Variants in RPS6KA2 observed in about 807,000 individuals in gnomAD.
RPS6KA2 encodes ribosomal protein S6 kinase alpha-2.
A neutral mutation model predicts 91.8 loss-of-function variants in RPS6KA2; 42 were observed. The observed-to-expected ratio is 0.46, with a 90% CI of 0.36 to 0.59. The LOEUF is 0.59. Ranked by LOEUF, RPS6KA2 falls within the 20% of genes least tolerant of loss-of-function variation. The probability of loss-of-function intolerance (pLI) is 0.00; values close to 1 mark genes in which losing one functional copy is unlikely to be tolerated. For synonymous variants in RPS6KA2, 414 were observed against 393.6 expected (o/e 1.05, Z -0.61); for missense variants, 798 against 978.5 (o/e 0.82, Z 2.46).
chr6:166,844,951 G>A (rs142646019), intron 2 of RPS6KA2, among the ~76,000 whole-genome samples: 411 of 152,194 alleles, frequency 2.7e-3, no homozygotes, highest in Non-Finnish European at 4.6e-3. Context: ...AACATTGAAT[G>A]TAAATGGCCT....
chr6:166,739,291 C>T (rs151088699), intron 2 of RPS6KA2, among the ~76,000 whole-genome samples: 148 of 152,278 alleles, frequency 9.7e-4, no homozygotes, highest in African/African-American at 3.5e-3. Context: ...ACAGTGCTAA[C>T]GCTGGAATGC....
rs1406007005 is a variant in RPS6KA2, at chr6:166,449,895, C to T, written c.1207-1046G>A. On this transcript the variant is annotated intron_variant, in intron 13 of 20. Coordinates refer to ENST00000265678, the MANE Select transcript of RPS6KA2 (RefSeq NM_021135.6). ...CACGCGGACCACCATGGGACAACCA[C>T]GAGGACCACCATGGGAACCACCATG... Among the ~76,000 whole-genome samples the T allele has an allele frequency of 6.2e-5, 9 of 144,416 alleles. No individual in the cohort carries two copies. In the East Asian group the frequency reaches 1.3e-3, roughly 21 times the overall value. The allele number at this position is 144,416 out of a possible 152,430, so 94.7% of individuals were successfully genotyped here.
chr6:166,810,939 C>G (rs1779623639), intron 2 of RPS6KA2, among the ~76,000 whole-genome samples: 1 of 152,178 alleles, frequency 6.6e-6, no homozygotes, highest in African/African-American at 2.4e-5. Context: ...TCATACAACT[C>G]CAGGAGGGTC....
Position 166,653,302 on chromosome 6 carries a change from C to T in RPS6KA2, c.124-114518G>A, listed in dbSNP as rs184152248. ...TCTCCAACTTCTGGCCTCATGTAAT[C>T]CGCCCGCCTCAGCCTCCCAAAGTGC... On this transcript the variant is annotated intron_variant, in intron 2 of 21. Transcript: ENST00000503859. 7.9e-4 allele frequency among the ~76,000 whole-genome samples: 121 copies of T among 152,298 alleles called. 4 individuals carry two copies. The East Asian group carries it at 0.022, about 28-fold the overall frequency.
chr6:166,724,789 C>T (rs906872449), intron 2 of RPS6KA2, among the ~76,000 whole-genome samples: 3 of 152,230 alleles, frequency 2.0e-5, no homozygotes, highest in Non-Finnish European at 4.4e-5. Flanking sequence ...TCAAGACAAA[C>T]ATCTATTTCT....
intron 5 of RPS6KA2, among the ~76,000 whole-genome samples, chr6:166,507,281 G>A (rs1782264515): frequency 6.6e-6 from 1 of 152,030 alleles, no homozygotes; most frequent in Non-Finnish European, 1.5e-5. Context: ...AGAGCTGCAG[G>A]GGCGCTGCCA....
At position 166,770,958 on chromosome 6, in the gene RPS6KA2, C is replaced by T. The variant is rs774794921; in HGVS notation, c.123+87242G>A. On this transcript the variant is annotated intron_variant, in intron 2 of 21. Transcript: ENST00000503859. This position sits in a 1 kb window ranked among gnomAD's most constrained non-coding sequence, Gnocchi z 5.1. ...GAAAGAATTCCTTTAAGTCACAGGA[C>T]GTATTTACAGTCAGCAACTTCATTA... The T allele has an allele frequency of 1.1e-5, 17 of 1,569,972 alleles. No individual in the cohort carries two copies. Among genetic ancestry groups the T allele is most frequent in the South Asian group, 1.0e-4 (9 of 87,906 alleles).
At chr6:166,815,720 G>A (rs149583380) in intron 2 of RPS6KA2, among the ~76,000 whole-genome samples, 5 of 152,276 alleles carry the variant, frequency 3.3e-5, no homozygotes, top group Non-Finnish European at 5.9e-5. Context: ...GAATTAAAGA[G>A]GAAGAGACAA....
At chr6:166,631,492 A>G (rs917972646), upstream of RPS6KA2, among the ~76,000 whole-genome samples, 1 of 152,266 alleles carries the variant, frequency 6.6e-6, no homozygotes, top group African/African-American at 2.4e-5. Flanking sequence ...CTCCCCCGCC[A>G]GCCCGCTGTG....
In RPS6KA2 at chr6:166,418,886, G is replaced by C. The variant is rs1179635443; in HGVS notation, c.1821-544C>G. On this transcript the variant is annotated intron_variant, in intron 18 of 20. Transcript: ENST00000265678. This position sits in a 1 kb window ranked among gnomAD's most constrained non-coding sequence, Gnocchi z 4.9. ...CTTAAAACACACCCACACACTCCTA[G>C]GAAAGGAAGGACACGTGTGCTGCCA... Among the ~76,000 whole-genome samples the C allele has an allele frequency of 6.6e-6, 1 of 152,258 alleles. No homozygotes were observed. The highest frequency in any genetic ancestry group is 1.5e-5 in the Non-Finnish European group (1 of 68,046).
chr6:166,654,452 C>A (rs996770576), intron 2 of RPS6KA2, among the ~76,000 whole-genome samples: 3 of 152,144 alleles, frequency 2.0e-5, no homozygotes, highest in African/African-American at 7.2e-5. Flanking sequence ...ATACTTCACC[C>A]AAAATGCTTC....
At chr6:166,465,715 C>CT (rs1210980423) in intron 11 of RPS6KA2, among the ~76,000 whole-genome samples, 1 of 152,204 alleles carries the variant, frequency 6.6e-6, no homozygotes, top group African/African-American at 2.4e-5. Flanking sequence ...CTGCTGGCCA[C>CT]TTTCACTGTG....
intron 3 of RPS6KA2, among the ~76,000 whole-genome samples, chr6:166,516,449 C>A (rs754930194): frequency 6.6e-6 from 1 of 152,104 alleles, no homozygotes; most frequent in African/African-American, 2.4e-5. Flanking sequence ...GGAGTGACTG[C>A]ACACAGTGGG....
intron 19 of RPS6KA2, among the ~76,000 whole-genome samples, chr6:166,417,656 C>T (rs78628920): frequency 2.0e-5 from 3 of 151,938 alleles, no homozygotes; most frequent in African/African-American, 4.8e-5. Context: ...CACACACGCA[C>T]GCATGTTCTG....
chr6:166,803,124 C>A (rs2128618378), intron 2 of RPS6KA2, among the ~76,000 whole-genome samples: 1 of 152,222 alleles, frequency 6.6e-6, no homozygotes, highest in South Asian at 2.1e-4. Context: ...AAAGGACATT[C>A]CAAAACAGAG....
At chr6:166,480,491 A>ATATAT (rs1781163143) in intron 10 of RPS6KA2, among the ~76,000 whole-genome samples, 1 of 73,478 alleles carries the variant, frequency 1.4e-5, no homozygotes, top group African/African-American at 4.4e-5. Context: ...ATATATATAT[A>ATATAT]TATATATATA....
In RPS6KA2 at chr6:166,495,223, G is replaced by C. The variant is rs1167988006; in HGVS notation, c.747+3285C>G. Among the ~76,000 whole-genome samples, 1 of 152,042 alleles carries C rather than the reference G, an allele frequency of 6.6e-6. No individual in the cohort carries two copies. Among genetic ancestry groups the C allele is most frequent in the Non-Finnish European group, 1.5e-5 (1 of 68,034 alleles). ...TGCCCGGCTTGGAGATTGTTGGGTT[G>C]AGATCAAATGTGAAGATGGCCAGGC... On this transcript the variant is annotated intron_variant, in intron 8 of 20. Coordinates refer to ENST00000265678, the MANE Select transcript of RPS6KA2 (RefSeq NM_021135.6). This position sits in a 1 kb window ranked among gnomAD's most constrained non-coding sequence, Gnocchi z 4.4.
At chr6:166,739,488 G>A (rs1314152601) in intron 2 of RPS6KA2, among the ~76,000 whole-genome samples, 3 of 152,194 alleles carry the variant, frequency 2.0e-5, no homozygotes, top group African/African-American at 4.8e-5. Flanking sequence ...GGGCCCTGGC[G>A]TTTCTACTGT....
At position 166,693,530 on chromosome 6, in the gene RPS6KA2, G is replaced by A. The variant is rs555351525; in HGVS notation, c.124-154746C>T. Reference sequence around the variant, plus strand: ...ACTCCCTGTTCCATATTTGTGGACTGCTCCAAGTCCACTTAGCCAGGATCT... The same window carrying A: ...ACTCCCTGTTCCATATTTGTGGACTACTCCAAGTCCACTTAGCCAGGATCT... On this transcript the variant is annotated intron_variant, in intron 2 of 21. Coordinates refer to the RPS6KA2 transcript ENST00000503859. 3.3e-5 allele frequency among the ~76,000 whole-genome samples: 5 copies of A among 152,318 alleles called. No homozygotes were observed. The South Asian group carries it at 1.0e-3, about 32-fold the overall frequency.
Sources: allele counts gnomAD v4.1 joint callset (sites outside exome capture counted in the v4.1 genomes callset), GRCh38; gene constraint gnomAD v4.1.1; non-coding constraint Gnocchi (gnomAD v3.1); transcripts MANE v1.5; gene names NCBI Gene and HGNC (gene_info 2026-07-23, HGNC 2026-07-21).